The following LPP variants were observed in gnomAD, a reference collection of about 807,000 sequenced individuals.
The protein encoded by LPP is lipoma-preferred partner.
In LPP, 38 loss-of-function variants were observed where a neutral mutation model predicts 60.4. The ratio of observed to expected loss-of-function variants is 0.63; its 90% CI spans 0.49 to 0.83. LPP has a LOEUF of 0.83. Among genes scored for constraint, LPP ranks in the 40% least tolerant of loss-of-function variants. LPP has a pLI of 0.00. For missense variants in LPP, 902 were observed against 783.6 expected (o/e 1.15, Z -1.80); for synonymous variants, 328 against 290.8 (o/e 1.13, Z -1.30).
intron 1 of LPP, among the ~76,000 whole-genome samples, chr3:188,163,877 G>A (rs192464168): frequency 1.7e-3 from 264 of 151,642 alleles, no homozygotes; most frequent in Non-Finnish European, 3.4e-3. Flanking sequence ...CTTGAACCCA[G>A]GAGGCTGAGG....
At chr3:188,326,585 AT>A (rs1469887277) in intron 2 of LPP, among the ~76,000 whole-genome samples, 1 of 152,228 alleles carries the variant, frequency 6.6e-6, no homozygotes, top group Non-Finnish European at 1.5e-5. Context: ...TACGAGTCTT[AT>A]CAGGTATTGA....
At chr3:188,474,639 T>C (rs1355571033) in intron 4 of LPP, among the ~76,000 whole-genome samples, 1 of 152,250 alleles carries the variant, frequency 6.6e-6, no homozygotes, top group Non-Finnish European at 1.5e-5. Flanking sequence ...GATATTTGTT[T>C]GCAAGCTTCT....
intron 2 of LPP, among the ~76,000 whole-genome samples, chr3:188,257,782 G>A (rs992730608): frequency 6.6e-6 from 1 of 152,214 alleles, no homozygotes; most frequent in Non-Finnish European, 1.5e-5. Context: ...TGCAAGACAT[G>A]TGTTTTCTTT....
chr3:188,383,938 C>T (rs533724671), intron 3 of LPP, among the ~76,000 whole-genome samples: 7 of 152,240 alleles, frequency 4.6e-5, no homozygotes, highest in Admixed American at 1.3e-4. Flanking sequence ...TCCAAAGAGA[C>T]GTTAATCATT....
At chr3:188,381,947 AT>A (rs56823666) in intron 3 of LPP, among the ~76,000 whole-genome samples, 255 of 143,670 alleles carry the variant, frequency 1.8e-3, no homozygotes, top group Admixed American at 2.0e-3. Context: ...ACACCCAGCT[AT>A]TTTTTTTTTT....
At chr3:188,834,526 A>T (rs560503476) in intron 9 of LPP, among the ~76,000 whole-genome samples, 1 of 151,910 alleles carries the variant, frequency 6.6e-6, no homozygotes, top group Non-Finnish European at 1.5e-5. Context: ...CTGCTTTCTC[A>T]TCTTTGATCC....
chr3:188,515,697 T>A (rs57145745), intron 5 of LPP, among the ~76,000 whole-genome samples: 3,018 of 152,346 alleles, frequency 0.02, 112 homozygotes, highest in African/African-American at 0.066. Flanking sequence ...GCCTTTAACA[T>A]GTGGAGAAGA....
chr3:188,828,984 G>A (rs1053240782), intron 9 of LPP, among the ~76,000 whole-genome samples: 2 of 151,698 alleles, frequency 1.3e-5, no homozygotes, highest in African/African-American at 4.8e-5. Context: ...TAGTTTTGTC[G>A]GTATTTCTTT....
At chr3:188,299,340 G>A (rs960010344) in intron 2 of LPP, among the ~76,000 whole-genome samples, 4 of 152,302 alleles carry the variant, frequency 2.6e-5, no homozygotes, top group Middle Eastern at 3.4e-3. Context: ...ACAGGAAAGC[G>A]TCACAGCAAT....
intron 4 of LPP, among the ~76,000 whole-genome samples, chr3:188,428,598 T>TATATA (rs200366995): frequency 1.9e-3 from 163 of 87,060 alleles, no homozygotes; most frequent in African/African-American, 6.5e-3. Context: ...ATATATATAT[T>TATATA]TTTTTTTTTT....
At chr3:188,708,207 G>T in intron 7 of LPP, 60 bp from the exon 8 acceptor site, 1 of 1,593,334 alleles carries the variant, frequency 6.3e-7, no homozygotes, top group South Asian at 1.1e-5. Flanking sequence ...TGTTTAGGCT[G>T]ACTGCCTTGG....
At chr3:188,487,336 T>C (rs1285318333) in intron 5 of LPP, among the ~76,000 whole-genome samples, 4 of 152,212 alleles carry the variant, frequency 2.6e-5, no homozygotes, top group African/African-American at 9.6e-5. Context: ...GATTTTCCAG[T>C]GGGTTCCATT....
At chr3:188,197,458 C>T (rs974153273) in intron 1 of LPP, among the ~76,000 whole-genome samples, 7 of 152,138 alleles carry the variant, frequency 4.6e-5, no homozygotes, top group Non-Finnish European at 5.9e-5. Context: ...GCAGGCACTC[C>T]GATCCTTGCT....
intron 8 of LPP, chr3:188,708,804 G>A (rs1305276354): frequency 4.3e-6 from 1 of 233,092 alleles, no homozygotes; most frequent in Non-Finnish European, 8.4e-6. Context: ...GCTGCAGTGA[G>A]CTGTGGCTCA....
chr3:188,467,414 G>A (rs527947235), intron 4 of LPP, among the ~76,000 whole-genome samples: 1 of 152,180 alleles, frequency 6.6e-6, no homozygotes, highest in East Asian at 1.9e-4. Flanking sequence ...TCCTTGCACT[G>A]ATGTTCCTAC....
chr3:188,309,714 G>C (rs900592938), intron 2 of LPP, among the ~76,000 whole-genome samples: 10 of 152,118 alleles, frequency 6.6e-5, no homozygotes, highest in African/African-American at 1.9e-4. Flanking sequence ...TTCATGAAAA[G>C]TGTCATGAGT....
chr3:188,441,376 G>A (rs7639635), intron 4 of LPP, among the ~76,000 whole-genome samples: 145,280 of 152,070 alleles, frequency 0.96, 69,708 homozygotes, highest in East Asian at 1. Flanking sequence ...GAATGTTTAT[G>A]TATTCTTTTG....
Position 188,639,981 on chromosome 3 carries a change from C to G in LPP, c.1113+30137C>G, listed in dbSNP as rs866180720. On this transcript the variant is annotated intron_variant, in intron 7 of 11. Coordinates refer to ENST00000617246, the MANE Select transcript of LPP (RefSeq NM_001375462.1). ...GTGGCAATACCTCAGGGATCTAGAA[C>G]TAGAAATACCATTTGACCCAGCCAT... is the stretch of plus-strand genomic sequence containing the variant. Among the ~76,000 whole-genome samples, 538 of 152,208 alleles carry G rather than the reference C, an allele frequency of 3.5e-3. 1 individual carries two copies. Among genetic ancestry groups the G allele is most frequent in the African/African-American group, 0.012 (513 of 41,522 alleles).
chr3:188,758,666 C>T (rs1010044408), intron 8 of LPP: 5 of 152,228 alleles, frequency 3.3e-5, no homozygotes, highest in Non-Finnish European at 7.4e-5. Context: ...GGCTGTCAAT[C>T]CAATGTGATG....
Sources: gnomAD v4.1 joint callset for allele counts (sites outside exome capture counted in the v4.1 genomes callset) on GRCh38, gnomAD v4.1.1 for gene constraint, MANE v1.5 for transcripts, NCBI Gene and HGNC (gene_info 2026-07-23, HGNC 2026-07-21) for gene names.